SEPTIN4: variants seen among roughly 807,000 people sequenced by gnomAD.
SEPTIN4 encodes septin-4.
In SEPTIN4, 52 loss-of-function variants were observed where a neutral mutation model predicts 107.1. The observed-to-expected ratio is 0.49, with a 90% CI of 0.39 to 0.61. SEPTIN4 has a LOEUF of 0.61. Among genes scored for constraint, SEPTIN4 ranks in the 20% least tolerant of loss-of-function variants. SEPTIN4 has a pLI of 0.00. For missense variants in SEPTIN4, 1,048 were observed against 1,243.5 expected (o/e 0.84, Z 2.36); for synonymous variants, 417 against 467.0 (o/e 0.89, Z 1.38).
At chr17:58,526,569 C>CAA in intron 4 of SEPTIN4, 113 bp downstream of exon 4, 1 of 1,385,560 alleles carries the variant, frequency 7.2e-7, no homozygotes, top group South Asian at 1.7e-5. Flanking sequence ...TACACACACA[C>CAA]ACAAACACAC....
chr17:58,537,592 G>A (rs938420323), intron 3 of SEPTIN4, among the ~76,000 whole-genome samples: 2 of 152,122 alleles, frequency 1.3e-5, no homozygotes, highest in Admixed American at 6.5e-5. Flanking sequence ...AGCACTTTGG[G>A]AGGCTGAGGT....
rs371706623 is a variant in SEPTIN4 at position 58,541,942 on chromosome 17, C to T, written c.1586G>A (p.Arg529His). Residue 529 changes from arginine (R) to histidine (H), a missense_variant, in exon 2 of 14, where the codon CGT (arginine) becomes CAT (histidine). Coordinates refer to ENST00000672673, the MANE Select transcript of SEPTIN4 (RefSeq NM_001368771.2). Reference protein sequence around the residue: ...FLDVSEEMYNRVIWWLKDEEI... With the variant: ...FLDVSEEMYNHVIWWLKDEEI... Reference sequence around the variant, plus strand: ...CAGACCTTTTAGCCACCAGATGACACGATTGTACATTTCCTCAGAGACATC... The same window carrying T: ...CAGACCTTTTAGCCACCAGATGACATGATTGTACATTTCCTCAGAGACATC... 5.1e-5 allele frequency: 82 copies of T among 1,613,932 alleles called. No homozygotes were observed. In the East Asian group the frequency reaches 1.2e-3, roughly 25 times the overall value.
chr17:58,520,256 G>C lies in SEPTIN4; in HGVS notation c.*170C>G, dbSNP rs113869894. On this transcript the variant is annotated 3_prime_UTR_variant, in exon 14 of 14. Coordinates refer to ENST00000672673, the MANE Select transcript of SEPTIN4 (RefSeq NM_001368771.2). Reference sequence around the variant, plus strand: ...AAAAATACACACAGGGACACCAGAAGCCACCTACAGATTTATTAAACTTTA... The same window carrying C: ...AAAAATACACACAGGGACACCAGAACCCACCTACAGATTTATTAAACTTTA... 1.6e-6 allele frequency: 1 copy of C among 620,048 alleles called. No homozygotes were observed. The highest frequency in any genetic ancestry group is 1.9e-5 in the African/African-American group (1 of 53,914). 38.4% of individuals were successfully genotyped at this position (620,048 alleles called of 1,614,324 possible). A position where few individuals can be genotyped will look rare whatever the true frequency, so the allele number is the denominator to read the frequency against.
At position 58,538,853 on chromosome 17, in the gene SEPTIN4, G is replaced by A. The variant is rs1393750329; in HGVS notation, c.1614+1813C>T. Reference sequence around the variant, plus strand: ...CTGTTCACCCAGAGAGGCTTGTGAAGCTCAACAACAAACATGATGCCTTCC... The same window carrying A: ...CTGTTCACCCAGAGAGGCTTGTGAAACTCAACAACAAACATGATGCCTTCC... On this transcript the variant is annotated intron_variant, in intron 3 of 13. Transcript: ENST00000672673. The surrounding 1 kb of genome is among the most constrained non-coding windows in gnomAD (Gnocchi z 4.7). 2.6e-5 allele frequency among the ~76,000 whole-genome samples: 4 copies of A among 152,344 alleles called. No individual in the cohort carries two copies. The highest frequency in any genetic ancestry group is 7.2e-5 in the African/African-American group (3 of 41,584).
chr17:58,526,685 A>G lies in SEPTIN4; in HGVS notation c.1908T>C (p.Ser636=). The G allele has an allele frequency of 6.4e-7, 1 of 1,564,994 alleles. No individual in the cohort carries two copies. The highest frequency in any genetic ancestry group is 1.2e-5 in the South Asian group (1 of 82,928). Residue 636 remains serine, a synonymous_variant, in exon 4 of 14, where the codon TCT becomes TCC. Coordinates refer to ENST00000672673, the MANE Select transcript of SEPTIN4 (RefSeq NM_001368771.2). ...AAGGCAGGGCTGGAGGCTCTACCTCAGAGGAATCATAGGGATCAAGCTTGC... is the reference window on the plus strand; with the variant it reads ...AAGGCAGGGCTGGAGGCTCTACCTCGGAGGAATCATAGGGATCAAGCTTGC... ...PWGKLDPYDS[S]EDDKEYVGFA...
chr17:58,533,236 T>C (rs1157557279), intron 3 of SEPTIN4, among the ~76,000 whole-genome samples: 2 of 152,140 alleles, frequency 1.3e-5, no homozygotes, highest in Non-Finnish European at 2.9e-5. Flanking sequence ...GGAGATGTTA[T>C]TGGCTGTTTG....
intron 7 of SEPTIN4, among the ~76,000 whole-genome samples, chr17:58,522,458 G>C (rs2042368633): frequency 6.6e-6 from 1 of 151,888 alleles, no homozygotes; most frequent in Non-Finnish European, 1.5e-5. Flanking sequence ...TCAGGAGTTT[G>C]AGACCACCCT....
intron 3 of SEPTIN4, chr17:58,529,515 C>G (rs1215192578): frequency 1.3e-6 from 1 of 797,544 alleles, no homozygotes; most frequent in Non-Finnish European, 1.5e-6. Flanking sequence ...GGGCACAGCA[C>G]CAACCTCCCA....
chr17:58,535,922 G>A (rs939546560), intron 3 of SEPTIN4, among the ~76,000 whole-genome samples: 3 of 152,130 alleles, frequency 2.0e-5, no homozygotes, highest in Admixed American at 1.3e-4. Flanking sequence ...GAGGCTCTGC[G>A]CTTCATTGAC....
chr17:58,530,979 A>T (rs1294581597), intron 3 of SEPTIN4: 1 of 152,354 alleles, frequency 6.6e-6, no homozygotes, highest in Admixed American at 6.5e-5. Context: ...CCCGCCCCAC[A>T]GGCTGGTCAG....
At chr17:58,533,223 A>G (rs2043585271) in intron 3 of SEPTIN4, among the ~76,000 whole-genome samples, 1 of 152,160 alleles carries the variant, frequency 6.6e-6, no homozygotes, top group Non-Finnish European at 1.5e-5. Flanking sequence ...TGGGGCTGCT[A>G]CTGGAGATGT....
chr17:58,535,483 C>T (rs1313831333), intron 3 of SEPTIN4, among the ~76,000 whole-genome samples: 3 of 152,250 alleles, frequency 2.0e-5, no homozygotes, highest in African/African-American at 4.8e-5. Flanking sequence ...TGCTCGAATA[C>T]ATACCTCCGA....
chr17:58,527,257 A>G (rs1168469646), intron 3 of SEPTIN4: 1 of 638,086 alleles, frequency 1.6e-6, no homozygotes. Flanking sequence ...TTGGGAACTA[A>G]GGAACTCCAG....
chr17:58,536,240 G>A (rs1200128271), intron 3 of SEPTIN4, among the ~76,000 whole-genome samples: 1 of 152,132 alleles, frequency 6.6e-6, no homozygotes, highest in Non-Finnish European at 1.5e-5. Context: ...TCCACTCATA[G>A]GTTACTATGA....
intron 1 of SEPTIN4, 39 bp from the exon 2 acceptor site, chr17:58,542,005 G>A: frequency 1.9e-6 from 3 of 1,603,256 alleles, no homozygotes; most frequent in Non-Finnish European, 2.6e-6. Context: ...TCTTCTCTCT[G>A]TGGGATGCAC....
At chr17:58,532,943 G>C (rs1183323647) in intron 3 of SEPTIN4, among the ~76,000 whole-genome samples, 1 of 152,194 alleles carries the variant, frequency 6.6e-6, no homozygotes, top group East Asian at 1.9e-4. Flanking sequence ...AGCTGGTCAG[G>C]CTCCTGTGGA....
rs150891701 is a variant in SEPTIN4, at chr17:58,531,444, T to C, written c.1615-4466A>G. On this transcript the variant is annotated intron_variant, in intron 3 of 13. Coordinates refer to ENST00000672673, the MANE Select transcript of SEPTIN4 (RefSeq NM_001368771.2). Reference sequence around the variant, plus strand: ...TGGGAAAGGGCCAGGGACTGCCCCTTGTCAGGCTGAGGGAAGGAGGGGCCA... The same window carrying C: ...TGGGAAAGGGCCAGGGACTGCCCCTCGTCAGGCTGAGGGAAGGAGGGGCCA... 5.8e-3 allele frequency: 878 copies of C among 152,470 alleles called. 5 individuals are homozygous for C. Among genetic ancestry groups the C allele is most frequent in the African/African-American group, 9.3e-3 (386 of 41,570 alleles). The allele number at this position is 152,470 out of a possible 1,614,324, so 9.4% of individuals were successfully genotyped here. A position where few individuals can be genotyped will look rare whatever the true frequency, so the allele number is the denominator to read the frequency against.
intron 7 of SEPTIN4, among the ~76,000 whole-genome samples, chr17:58,522,654 C>CAAAAAA (rs1233539293): frequency 0.011 from 564 of 52,598 alleles, 1 homozygote; most frequent in African/African-American, 0.014. Flanking sequence ...CAGACTGTCA[C>CAAAAAA]AAAAAAAAAA....
At chr17:58,532,675 G>A (rs1378657375) in intron 3 of SEPTIN4, among the ~76,000 whole-genome samples, 4 of 152,204 alleles carry the variant, frequency 2.6e-5, no homozygotes, top group African/African-American at 9.7e-5. Context: ...GAGAGGCTGA[G>A]TGGCTTTAAC....
Sources: gnomAD v4.1 joint callset for allele counts (sites outside exome capture counted in the v4.1 genomes callset) on GRCh38, gnomAD v4.1.1 for gene constraint, Gnocchi (gnomAD v3.1) non-coding constraint, MANE v1.5 for transcripts, NCBI Gene and HGNC (gene_info 2026-07-23, HGNC 2026-07-21) for gene names.